The following RSF1 variants were observed in gnomAD, a reference collection of about 807,000 sequenced individuals.
The protein encoded by RSF1 is remodeling and spacing factor 1.
RSF1 carries 13 observed loss-of-function variants against 145.2 expected under a neutral mutation model. That is an observed-to-expected ratio of 0.09 (90% CI 0.06 to 0.14). The LOEUF (loss-of-function observed/expected upper bound fraction) is 0.14. RSF1 is among the 10% of genes least tolerant of loss of function. The pLI is 1.00. For synonymous variants in RSF1, 577 were observed against 592.6 expected, an observed-to-expected ratio of 0.97 and a Z score of 0.38; for missense variants, 1,517 against 1,718.2, an observed-to-expected ratio of 0.88 and a Z score of 2.07.
chr11:77,842,339 C>T, the RSF1 span: 10 of 781,164 alleles, frequency 1.3e-5, no homozygotes, highest in South Asian at 2.1e-4. Flanking sequence ...CTTTTTAGAC[C>T]TCTAAAGAAG....
chr11:77,779,561 T>C (rs1948382951), intron 1 of RSF1, among the ~76,000 whole-genome samples: 1 of 152,012 alleles, frequency 6.6e-6, no homozygotes, highest in Admixed American at 6.6e-5. Flanking sequence ...TTTGTAGTTT[T>C]AGTAGAGATG....
At position 77,667,460 on chromosome 11, in the gene RSF1, A is replaced by T; in HGVS notation, c.3783T>A (p.Asp1261Glu). ...ACCGCTTTGATTCTTTAGCTAGCTCATCATCTTCAGAGTTCTTGGACAAAT... is the reference window on the plus strand; with the variant it reads ...ACCGCTTTGATTCTTTAGCTAGCTCTTCATCTTCAGAGTTCTTGGACAAAT... ...ESYLSKNSED[D>E]ELAKESKRSV... The change falls in exon 16 of 16, where the codon GAT (aspartate) becomes GAA (glutamate). Residue 1261 changes from aspartate (D) to glutamate (E), a missense_variant. By Grantham distance (45) the Asp-to-Glu change is conservative. Around this residue, in one of 12 missense-constraint regions of RSF1, gnomAD observed 240 missense variants for 231.8 expected, o/e 1.04. Transcript: ENST00000308488. 6.2e-7 allele frequency: 1 copy of T among 1,611,898 alleles called. No homozygotes were observed. The highest frequency in any genetic ancestry group is 8.5e-7 in the Non-Finnish European group (1 of 1,179,832).
At chr11:77,791,596 G>A (rs1480507716) in intron 1 of RSF1, among the ~76,000 whole-genome samples, 1 of 152,114 alleles carries the variant, frequency 6.6e-6, no homozygotes, top group African/African-American at 2.4e-5. Flanking sequence ...TAGCACCCAA[G>A]TTACATCTCG....
chr11:77,742,345 T>C (rs918539999), intron 3 of RSF1, among the ~76,000 whole-genome samples: 26 of 152,126 alleles, frequency 1.7e-4, no homozygotes, highest in African/African-American at 6.3e-4. Flanking sequence ...AGTGGCGCGA[T>C]CTCGGCTCAC....
At position 77,704,245 on chromosome 11, in the gene RSF1, C is replaced by G. The variant is rs1960490962; in HGVS notation, c.734-1750G>C. Among the ~76,000 whole-genome samples the G allele has an allele frequency of 1.3e-5, 2 of 152,122 alleles. 1 individual carries two copies. The highest frequency in any genetic ancestry group is 4.1e-4 in the South Asian group (2 of 4,830). On this transcript the variant is annotated intron_variant, in intron 5 of 15. Transcript: ENST00000308488. The stretch of plus-strand genomic sequence containing the variant: ...AGGAGTTCAAGGTTAACCCTGATCC[C>G]TGATCATGCCACCACATTCCAGCCT...
At chr11:77,760,530 G>C (rs1590871615) in intron 2 of RSF1, among the ~76,000 whole-genome samples, 1 of 152,088 alleles carries the variant, frequency 6.6e-6, no homozygotes, top group African/African-American at 2.4e-5. Context: ...CCAATGAACT[G>C]TACACTTCAA....
At chr11:77,869,058 C>A in the RSF1 span, 1 of 326,744 alleles carries the variant, frequency 3.1e-6, no homozygotes, top group South Asian at 4.1e-5. Flanking sequence ...GAACAGTACC[C>A]ATTCCCTTGA....
At chr11:77,675,314 A>G (rs1374840542) in intron 13 of RSF1, 58 bp from the exon 14 acceptor site, 16 of 1,409,154 alleles carry the variant, frequency 1.1e-5, no homozygotes, top group Non-Finnish European at 1.5e-5. Context: ...ACCCATTTTT[A>G]AGAGTTCTGA....
At position 77,751,986 on chromosome 11, in the gene RSF1, A is replaced by C. The variant is rs186203659; in HGVS notation, c.280-4858T>G. Reference sequence around the variant, plus strand: ...TCACTTAACCAGTGACTCCACAAATATTACTATGTGCAGACTATATGGCAG... The same window carrying C: ...TCACTTAACCAGTGACTCCACAAATCTTACTATGTGCAGACTATATGGCAG... On this transcript the variant is annotated intron_variant, in intron 2 of 15. Transcript: ENST00000308488. 5.2e-4 allele frequency among the ~76,000 whole-genome samples: 79 copies of C among 152,324 alleles called. 1 individual carries two copies. In the Middle Eastern group the frequency reaches 0.017, roughly 33 times the overall value.
chr11:77,871,681 A>G, the RSF1 span, among the ~76,000 whole-genome samples: 1 of 152,232 alleles, frequency 6.6e-6, no homozygotes, highest in Admixed American at 6.5e-5. Context: ...GAGCTAGCCT[A>G]ACATTTCTTA....
intron 5 of RSF1, among the ~76,000 whole-genome samples, chr11:77,713,576 G>A (rs577044729): frequency 5.8e-4 from 89 of 152,336 alleles, no homozygotes; most frequent in African/African-American, 1.8e-3. Context: ...TTCCAACACA[G>A]TCTTTAGTTA....
intron 1 of RSF1, among the ~76,000 whole-genome samples, chr11:77,811,282 C>G (rs1287874769): frequency 6.6e-6 from 1 of 152,180 alleles, no homozygotes; most frequent in Non-Finnish European, 1.5e-5. Context: ...AGAACATGGT[C>G]CTATAGTAAG....
intron 2 of RSF1, among the ~76,000 whole-genome samples, chr11:77,751,574 C>G (rs1235801469): frequency 1.3e-5 from 2 of 152,338 alleles, no homozygotes; most frequent in African/African-American, 2.4e-5. Flanking sequence ...AACCAACAGA[C>G]AGGGCCTCGG....
At chr11:77,863,294 A>T in the RSF1 span, among the ~76,000 whole-genome samples, 1 of 152,000 alleles carries the variant, frequency 6.6e-6, no homozygotes, top group Non-Finnish European at 1.5e-5. Context: ...CACAGCAGAC[A>T]CCCTGCCGGA....
chr11:77,705,313 T>C (rs1055683750), intron 5 of RSF1, among the ~76,000 whole-genome samples: 7 of 152,308 alleles, frequency 4.6e-5, no homozygotes, highest in East Asian at 3.9e-4. Context: ...ACTCCAAAAA[T>C]TGAAACACAG....
chr11:77,675,355 TA>T lies in RSF1; in HGVS notation c.3342-100del, dbSNP rs1474263513. On this transcript the variant is annotated intron_variant, in intron 13 of 15. Coordinates refer to ENST00000308488, the MANE Select transcript of RSF1 (RefSeq NM_016578.4). ...AATTCTGGTGAGCCCAGTGAATCAT[TA>T]AGTATAGTGCAACATATCTGGATAA... is the stretch of plus-strand genomic sequence containing the variant. 8.3e-6 allele frequency: 7 copies of T among 838,546 alleles called. No homozygotes were observed. The Admixed American group carries it at 1.4e-4, about 17-fold the overall frequency. The allele number at this position is 838,546 out of a possible 1,614,324, so 51.9% of individuals were successfully genotyped here. A position where few individuals can be genotyped will look rare whatever the true frequency, so the allele number is the denominator to read the frequency against.
At chr11:77,734,869 G>T in intron 4 of RSF1, 1 of 1,581,976 alleles carries the variant, frequency 6.3e-7, no homozygotes, top group Non-Finnish European at 8.6e-7. Flanking sequence ...AAAGTATTTG[G>T]CAAAGTTCTT....
intron 5 of RSF1, among the ~76,000 whole-genome samples, chr11:77,709,927 CT>C (rs1016407460): frequency 6.6e-6 from 1 of 152,036 alleles, no homozygotes; most frequent in Non-Finnish European, 1.5e-5. Flanking sequence ...AGTGACAATT[CT>C]TTTATAACTT....
At chr11:77,796,027 T>C (rs978439236) in intron 1 of RSF1, among the ~76,000 whole-genome samples, 1 of 152,352 alleles carries the variant, frequency 6.6e-6, no homozygotes, top group African/African-American at 2.4e-5. Flanking sequence ...TGATGGTAGT[T>C]TGTATTTCTG....
Sources: gnomAD v4.1 joint callset for allele counts (sites outside exome capture counted in the v4.1 genomes callset) on GRCh38, gnomAD v4.1.1 for gene constraint, gnomAD v4.1.1 regional missense constraint, MANE v1.5 for transcripts, NCBI Gene and HGNC (gene_info 2026-07-23, HGNC 2026-07-21) for gene names.